The following CADM2 variants were observed in gnomAD, a reference collection of about 807,000 sequenced individuals.
CADM2 encodes the protein immunoglobulin superfamily member 4D.
In CADM2, 12 loss-of-function variants were observed where a neutral mutation model predicts 49.8. The observed-to-expected ratio is 0.24, with a 90% CI of 0.15 to 0.39. The LOEUF is 0.39. CADM2 is among the 10% of genes least tolerant of loss of function. The pLI, the probability that CADM2 is intolerant of heterozygous loss-of-function variation, is 1.00. For synonymous variants in CADM2, 214 were observed against 175.4 expected (o/e 1.22, Z -1.74); for missense variants, 378 against 492.3 (o/e 0.77, Z 2.20).
chr3:85,911,185 C>T (rs1256900234), intron 5 of CADM2, among the ~76,000 whole-genome samples: 1 of 152,112 alleles, frequency 6.6e-6, no homozygotes, highest in Non-Finnish European at 1.5e-5. Flanking sequence ...ATACACTTTT[C>T]CATCAACTAC....
chr3:85,796,479 C>T (rs1420377412), intron 2 of CADM2, among the ~76,000 whole-genome samples: 1 of 152,082 alleles, frequency 6.6e-6, no homozygotes, highest in Non-Finnish European at 1.5e-5. Context: ...GGAATTTATT[C>T]CAGACATTTT....
chr3:85,284,826 A>G (rs532581801), intron 1 of CADM2, among the ~76,000 whole-genome samples: 2 of 152,092 alleles, frequency 1.3e-5, no homozygotes, highest in East Asian at 3.9e-4. Context: ...GTGGGTAGTC[A>G]TGTTTTGAAT....
chr3:85,025,139 C>T (rs147651553), intron 1 of CADM2, among the ~76,000 whole-genome samples: 15 of 152,174 alleles, frequency 9.9e-5, no homozygotes, highest in African/African-American at 3.6e-4. Flanking sequence ...TTTCAAACTA[C>T]AGAAATTCAG....
At chr3:85,413,221 T>C (rs2107475485) in intron 1 of CADM2, among the ~76,000 whole-genome samples, 2 of 150,776 alleles carry the variant, frequency 1.3e-5, no homozygotes, top group South Asian at 4.2e-4. Flanking sequence ...CAAATTTTCT[T>C]CACAGTTTAT....
chr3:85,621,109 G>T (rs1022236949), intron 1 of CADM2, among the ~76,000 whole-genome samples: 1 of 152,090 alleles, frequency 6.6e-6, no homozygotes, highest in Non-Finnish European at 1.5e-5. Flanking sequence ...ATATACCAAT[G>T]CAAGAAAATG....
rs575533561 is a variant in CADM2 at position 85,886,112 on chromosome 3, C to A, written c.392-78C>A. 5.7e-6 allele frequency: 9 copies of A among 1,568,142 alleles called. No individual in the cohort carries two copies. In the African/African-American group the frequency reaches 8.1e-5, roughly 14 times the overall value. ...GTCAATTAACCATCCAGTTCAGTTT[C>A]ATGTGTGAAAGTAATAGACATAATA... is the stretch of plus-strand genomic sequence containing the variant. On this transcript the variant is annotated intron_variant, in intron 4 of 9. Coordinates refer to ENST00000383699, the MANE Select transcript of CADM2 (RefSeq NM_001167675.2).
chr3:85,433,868 T>G (rs2107527692), intron 1 of CADM2, among the ~76,000 whole-genome samples: 1 of 152,226 alleles, frequency 6.6e-6, no homozygotes, highest in Middle Eastern at 3.4e-3. Flanking sequence ...ATCACAGCAC[T>G]CAGAAATTAT....
chr3:85,264,088 C>T (rs1304974841), intron 1 of CADM2, among the ~76,000 whole-genome samples: 4 of 152,136 alleles, frequency 2.6e-5, no homozygotes, highest in South Asian at 2.1e-4. Flanking sequence ...AAATATCCAC[C>T]TATGGGCCTG....
At chr3:85,535,259 C>T (rs922173131) in intron 1 of CADM2, among the ~76,000 whole-genome samples, 36 of 152,122 alleles carry the variant, frequency 2.4e-4, no homozygotes, top group African/African-American at 8.2e-4. Context: ...TTACAAAGAA[C>T]TGAAGCATTA....
intron 1 of CADM2, among the ~76,000 whole-genome samples, chr3:85,127,885 A>T (rs1485000224): frequency 6.6e-6 from 1 of 152,134 alleles, no homozygotes; most frequent in Non-Finnish European, 1.5e-5. Flanking sequence ...ATCAAATACA[A>T]TCTACGTTTG....
At chr3:85,352,160 CAATT>C (rs1300366089) in intron 1 of CADM2, among the ~76,000 whole-genome samples, 1 of 152,040 alleles carries the variant, frequency 6.6e-6, no homozygotes, top group East Asian at 1.9e-4. Flanking sequence ...AAAAGGTTAA[CAATT>C]AAAGCACTAT....
At chr3:85,586,580 A>G (rs1027084042) in intron 1 of CADM2, among the ~76,000 whole-genome samples, 2 of 152,146 alleles carry the variant, frequency 1.3e-5, no homozygotes, top group African/African-American at 4.8e-5. Context: ...TAGAATTACA[A>G]TTTATCTTGG....
chr3:85,365,018 A>G (rs940748871), intron 1 of CADM2, among the ~76,000 whole-genome samples: 5 of 152,198 alleles, frequency 3.3e-5, no homozygotes, highest in African/African-American at 1.2e-4. Flanking sequence ...ATTTGCAATT[A>G]GATCTTTTAT....
At chr3:85,933,652 A>C (rs1720866409) in intron 6 of CADM2, among the ~76,000 whole-genome samples, 1 of 152,112 alleles carries the variant, frequency 6.6e-6, no homozygotes, top group African/African-American at 2.4e-5. Context: ...TGAGTCAGCG[A>C]GCTGGAAGAC....
intron 8 of CADM2, among the ~76,000 whole-genome samples, chr3:86,063,596 A>C (rs1428388650): frequency 6.6e-6 from 1 of 152,212 alleles, no homozygotes; most frequent in East Asian, 1.9e-4. Flanking sequence ...TTTATAGTCC[A>C]CATTTTGCAT....
At chr3:85,286,491 T>G (rs1666139265) in intron 1 of CADM2, among the ~76,000 whole-genome samples, 1 of 152,160 alleles carries the variant, frequency 6.6e-6, no homozygotes, top group Non-Finnish European at 1.5e-5. Context: ...ATTTGGAGTT[T>G]GAGTGAATTC....
chr3:85,171,383 C>A (rs946377883), intron 1 of CADM2, among the ~76,000 whole-genome samples: 2 of 152,022 alleles, frequency 1.3e-5, no homozygotes, highest in African/African-American at 2.4e-5. Flanking sequence ...TTTAAAAGTT[C>A]TTATTATTTA....
At chr3:85,495,822 G>A (rs1308683512) in intron 1 of CADM2, among the ~76,000 whole-genome samples, 1 of 151,954 alleles carries the variant, frequency 6.6e-6, no homozygotes, top group Non-Finnish European at 1.5e-5. Flanking sequence ...ATTCATTACT[G>A]CAAAGACCGC....
chr3:85,928,657 G>A (rs1720217457), intron 6 of CADM2, among the ~76,000 whole-genome samples: 1 of 152,042 alleles, frequency 6.6e-6, no homozygotes, highest in African/African-American at 2.4e-5. Context: ...AGAGCATTTT[G>A]CTTTTAAAAT....
Sources: allele counts gnomAD v4.1 joint callset (sites outside exome capture counted in the v4.1 genomes callset), GRCh38; gene constraint gnomAD v4.1.1; transcripts MANE v1.5; gene names NCBI Gene and HGNC (gene_info 2026-07-23, HGNC 2026-07-21).